PIK3C3: variants seen among roughly 807,000 people sequenced by gnomAD.
The protein encoded by PIK3C3 is PI3-kinase type 3.
In PIK3C3, 95 loss-of-function variants were observed where a neutral mutation model predicts 126.1. The ratio of observed to expected loss-of-function variants is 0.75; its 90% CI spans 0.64 to 0.89. The LOEUF (loss-of-function observed/expected upper bound fraction) is 0.89, where lower values mean the gene tolerates loss of function less well. Among genes scored for constraint, PIK3C3 ranks in the 40% least tolerant of loss-of-function variants. The pLI is 0.00. For synonymous variants in PIK3C3, 374 were observed against 360.0 expected, an observed-to-expected ratio of 1.04 and a Z score of -0.44; for missense variants, 829 against 1,063.2, an observed-to-expected ratio of 0.78 and a Z score of 3.06.
chr18:42,012,188 A>T (rs865783281), intron 10 of PIK3C3, among the ~76,000 whole-genome samples: 77 of 151,504 alleles, frequency 5.1e-4, no homozygotes, highest in Middle Eastern at 6.8e-3. Flanking sequence ...TTCTGTAAAA[A>T]AAAAAAAAAA....
intron 12 of PIK3C3, among the ~76,000 whole-genome samples, chr18:42,017,103 A>G (rs1362521469): frequency 1.3e-5 from 2 of 152,098 alleles, no homozygotes; most frequent in South Asian, 2.1e-4. Flanking sequence ...AAGAGTGGCA[A>G]TCATTTTGAG....
rs1979851711 is a variant in PIK3C3 at position 41,957,647 on chromosome 18, T to C, written c.146T>C (p.Leu49Pro). The C allele has an allele frequency of 6.2e-7, 1 of 1,613,834 alleles. No homozygotes were observed. Among genetic ancestry groups the C allele is most frequent in the Non-Finnish European group, 8.5e-7 (1 of 1,179,912 alleles). ...LEDPMLKFSG[L>P]YQETCSDLYV... The stretch of plus-strand genomic sequence containing the variant: ...GACCCAATGTTGAAGTTCTCAGGAC[T>C]ATATCAAGAGACATGCTCTGATCTT... Residue 49 changes from leucine to proline, a missense_variant, in exon 2 of 25, where the codon CTA (leucine) becomes CCA (proline). Leu to Pro is a moderately conservative substitution (Grantham distance 98). This residue lies in a region of PIK3C3 where 313 missense variants were observed against 340.7 expected (regional missense o/e 0.92). Transcript: ENST00000262039.
In PIK3C3 at chr18:41,987,890, A is replaced by G; in HGVS notation, c.610A>G (p.Ile204Val). Residue 204 changes from isoleucine to valine, a missense_variant, in exon 5 of 25, where the codon ATA (isoleucine) becomes GTA (valine). Ile to Val is a conservative substitution (Grantham distance 29, BLOSUM62 3). Around this residue, in one of 4 missense-constraint regions of PIK3C3, gnomAD observed 313 missense variants for 340.7 expected, o/e 0.92. Coordinates refer to ENST00000262039, the MANE Select transcript of PIK3C3 (RefSeq NM_002647.4). Reference protein sequence around the residue: ...DRLTFREIEMINESEKRSSNF... With the variant: ...DRLTFREIEMVNESEKRSSNF... ...ATTGACATTTAGAGAAATAGAAATG[A>G]TAAATGAGGTGGGTTATATCACTCT... 1 of 1,569,496 alleles carries G rather than the reference A, an allele frequency of 6.4e-7. No homozygotes were observed. The highest frequency in any genetic ancestry group is 1.2e-5 in the South Asian group (1 of 86,764).
At position 42,085,792 on chromosome 18, in the gene PIK3C3, C is replaced by G. The variant is rs1330697323; in HGVS notation, c.*4655C>G. 1 of 152,092 alleles carries G rather than the reference C, an allele frequency of 6.6e-6. No individual in the cohort carries two copies. The highest frequency in any genetic ancestry group is 1.5e-5 in the Non-Finnish European group (1 of 68,018). The allele number at this position is 152,092 out of a possible 1,614,324, so 9.4% of individuals were successfully genotyped here. ...TAGAGTAACCCATTTCTGCATGAAC[C>G]ATAGAATTTAACTAGAATTTGGCTG... On this transcript the variant is annotated 3_prime_UTR_variant, in exon 25 of 25. Transcript: ENST00000262039.
intron 9 of PIK3C3, among the ~76,000 whole-genome samples, chr18:42,000,302 T>G (rs1372018704): frequency 6.6e-6 from 1 of 152,184 alleles, no homozygotes; most frequent in Non-Finnish European, 1.5e-5. Context: ...TCAACCTGCC[T>G]CAGCCTCCCA....
At chr18:41,968,666 A>G (rs1980494922) in intron 3 of PIK3C3, among the ~76,000 whole-genome samples, 1 of 152,176 alleles carries the variant, frequency 6.6e-6, no homozygotes, top group Non-Finnish European at 1.5e-5. Flanking sequence ...TTATGGCATC[A>G]TTACTTATAC....
intron 3 of PIK3C3, among the ~76,000 whole-genome samples, chr18:41,969,443 GA>G (rs1288712842): frequency 6.6e-6 from 1 of 152,136 alleles, no homozygotes; most frequent in East Asian, 1.9e-4. Context: ...AGCTCTTTAT[GA>G]GTTTGTTTCA....
rs149197408 is a variant in PIK3C3 at position 42,074,121 on chromosome 18, A to G, written c.2649+6608A>G. ...TTTGTTTTTGTTTTTAAGCTTTTGA[A>G]TAGTAAATGTAACAATAGTAAATGT... On this transcript the variant is annotated intron_variant, in intron 24 of 24. Coordinates refer to ENST00000262039, the MANE Select transcript of PIK3C3 (RefSeq NM_002647.4). Among the ~76,000 whole-genome samples, 725 of 152,216 alleles carry G rather than the reference A, an allele frequency of 4.8e-3. 3 individuals are homozygous for G. Among genetic ancestry groups the G allele is most frequent in the Admixed American group, 9.1e-3 (139 of 15,292 alleles).
intron 3 of PIK3C3, among the ~76,000 whole-genome samples, chr18:41,964,928 A>C (rs2144300057): frequency 6.6e-6 from 1 of 152,328 alleles, no homozygotes; most frequent in African/African-American, 2.4e-5. Context: ...GTGGCTATTA[A>C]AGAGATATTT....
intron 9 of PIK3C3, among the ~76,000 whole-genome samples, chr18:42,000,933 G>A (rs1982259202): frequency 6.6e-6 from 1 of 152,188 alleles, no homozygotes; most frequent in Non-Finnish European, 1.5e-5. Context: ...CACCATATCA[G>A]TAAGGATATA....
intron 4 of PIK3C3, chr18:41,970,843 T>A: frequency 3.9e-6 from 1 of 258,882 alleles, no homozygotes; most frequent in Non-Finnish European, 7.3e-6. Flanking sequence ...TCATTCAGTA[T>A]GTGACCTTAT....
chr18:42,054,156 A>ATC (rs1984942642), intron 21 of PIK3C3, among the ~76,000 whole-genome samples: 6 of 35,824 alleles, frequency 1.7e-4, no homozygotes, highest in Admixed American at 6.8e-4. Flanking sequence ...ATATATATAT[A>ATC]TATATATATA....
chr18:41,966,950 A>G (rs1980399895), intron 3 of PIK3C3, among the ~76,000 whole-genome samples: 2 of 152,192 alleles, frequency 1.3e-5, no homozygotes, highest in Admixed American at 1.3e-4. Context: ...AAAAGACTAA[A>G]TCACCAACTC....
intron 20 of PIK3C3, among the ~76,000 whole-genome samples, chr18:42,048,609 T>C (rs975891241): frequency 1.3e-5 from 2 of 152,222 alleles, no homozygotes; most frequent in African/African-American, 4.8e-5. Context: ...GTAACTGTGA[T>C]TATTATTAAT....
At chr18:42,066,562 T>C (rs1274065004) in intron 23 of PIK3C3, among the ~76,000 whole-genome samples, 1 of 152,206 alleles carries the variant, frequency 6.6e-6, no homozygotes, top group Non-Finnish European at 1.5e-5. Flanking sequence ...GTGAATTCTC[T>C]GTGCCTCAAT....
chr18:42,071,259 C>T (rs1985760093), intron 24 of PIK3C3, among the ~76,000 whole-genome samples: 1 of 152,168 alleles, frequency 6.6e-6, no homozygotes. Flanking sequence ...TCTTAGCTCT[C>T]CAGTTTACAG....
chr18:42,004,107 CAAATT>C (rs1982422727), intron 9 of PIK3C3, among the ~76,000 whole-genome samples: 1 of 152,090 alleles, frequency 6.6e-6, no homozygotes, highest in Admixed American at 6.6e-5. Flanking sequence ...AAAGCCAAAA[CAAATT>C]AAAAAATTCA....
In PIK3C3 at chr18:42,043,732, G is replaced by A. The variant is rs201615084; in HGVS notation, c.2104-1G>A. ...AAAACATGTAAATAATGTCTTTTCA[G>A]AACTTTTTTAGAAAATATGCACCAA... On this transcript the variant is annotated splice_acceptor_variant, in intron 19 of 24. Transcript: ENST00000262039. LOFTEE classifies it high-confidence loss of function. 3 of 1,603,354 alleles carry A rather than the reference G, an allele frequency of 1.9e-6. No individual in the cohort carries two copies. The highest frequency in any genetic ancestry group is 2.6e-6 in the Non-Finnish European group (3 of 1,170,724).
At chr18:42,078,381 C>T (rs1986111121) in intron 24 of PIK3C3, among the ~76,000 whole-genome samples, 1 of 61,432 alleles carries the variant, frequency 1.6e-5, no homozygotes. Context: ...GAGACTCTGT[C>T]TCAAAAAAAA....
Sources: allele counts gnomAD v4.1 joint callset (sites outside exome capture counted in the v4.1 genomes callset), GRCh38; gene constraint gnomAD v4.1.1; regional missense constraint gnomAD v4.1.1; transcripts MANE v1.5; gene names NCBI Gene and HGNC (gene_info 2026-07-23, HGNC 2026-07-21).